RAB38: variants seen among roughly 807,000 people sequenced by gnomAD.
RAB38 encodes the protein RAB38, member RAS oncogene family.
Under a neutral mutation model 18.4 loss-of-function variants are expected in RAB38, and 15 were observed. That is an observed-to-expected ratio of 0.82 (90% CI 0.55 to 1.26). The LOEUF (loss-of-function observed/expected upper bound fraction) is 1.26. Among genes scored for constraint, RAB38 ranks in the 50% most tolerant of loss-of-function variants. The pLI, the probability that RAB38 is intolerant of heterozygous loss-of-function variation, is 0.00. For missense variants in RAB38, 294 were observed against 267.4 expected (o/e 1.10, Z -0.69); for synonymous variants, 101 against 104.4 (o/e 0.97, Z 0.20).
chr11:88,093,031 C>T, the RAB38 span, among the ~76,000 whole-genome samples: 2 of 151,806 alleles, frequency 1.3e-5, no homozygotes, highest in African/African-American at 2.4e-5. Flanking sequence ...GATGGTTGAC[C>T]ACATAATTTT....
the RAB38 span, among the ~76,000 whole-genome samples, chr11:87,819,061 G>C: frequency 1.3e-5 from 2 of 152,192 alleles, no homozygotes; most frequent in African/African-American, 4.8e-5. Flanking sequence ...GACTCTGATA[G>C]GTAGACTGTG....
the RAB38 span, among the ~76,000 whole-genome samples, chr11:88,076,707 T>A: frequency 0.13 from 19,921 of 151,342 alleles, 1,434 homozygotes; most frequent in Admixed American, 0.2. Flanking sequence ...AATCCCAGCA[T>A]TTTGGGAGGC....
the RAB38 span, among the ~76,000 whole-genome samples, chr11:87,950,019 G>A: frequency 6.6e-6 from 1 of 152,172 alleles, no homozygotes; most frequent in Admixed American, 6.5e-5. Context: ...TAATGTGTGG[G>A]AGTCTAAGTT....
intron 2 of RAB38, among the ~76,000 whole-genome samples, chr11:88,145,159 T>C (rs988140560): frequency 5.9e-5 from 9 of 151,912 alleles, no homozygotes; most frequent in African/African-American, 1.9e-4. Flanking sequence ...TTTTTTTTTT[T>C]GTGGGTAGGG....
the RAB38 span, among the ~76,000 whole-genome samples, chr11:87,868,948 C>A: frequency 6.6e-6 from 1 of 151,742 alleles, no homozygotes; most frequent in Admixed American, 6.6e-5. Flanking sequence ...CTCCCTGGCC[C>A]AAAGGTGAAA....
At chr11:88,060,835 A>G in the RAB38 span, among the ~76,000 whole-genome samples, 7 of 152,222 alleles carry the variant, frequency 4.6e-5, no homozygotes, top group African/African-American at 1.7e-4. Flanking sequence ...AAAATCTAGC[A>G]GGTTATCTAA....
At chr11:87,832,122 C>G in the RAB38 span, among the ~76,000 whole-genome samples, 1 of 152,092 alleles carries the variant, frequency 6.6e-6, no homozygotes, top group East Asian at 1.9e-4. Flanking sequence ...CTCATTTTTG[C>G]AGTAAAATAC....
the RAB38 span, among the ~76,000 whole-genome samples, chr11:87,895,687 T>C: frequency 1.3e-5 from 2 of 151,780 alleles, no homozygotes; most frequent in East Asian, 2.0e-4. Flanking sequence ...AGCTGCACTA[T>C]CTCTGCTTTG....
the RAB38 span, among the ~76,000 whole-genome samples, chr11:87,937,875 T>G: frequency 0.023 from 1,836 of 81,584 alleles, 21 homozygotes; most frequent in Non-Finnish European, 0.033. Flanking sequence ...GAAGTGTTTT[T>G]TTTTTTTTTT....
the RAB38 span, among the ~76,000 whole-genome samples, chr11:88,015,051 T>C: frequency 1.4e-5 from 1 of 71,352 alleles, no homozygotes; most frequent in Non-Finnish European, 2.8e-5. Flanking sequence ...CAGTTGCCTG[T>C]ATTTTTTTTT....
the RAB38 span, among the ~76,000 whole-genome samples, chr11:87,958,392 C>T: frequency 6.6e-6 from 1 of 152,184 alleles, no homozygotes; most frequent in Admixed American, 6.5e-5. Flanking sequence ...AAGCCTCTGT[C>T]TTGGGCTCTG....
At chr11:88,117,366 A>T (rs535636798) in intron 2 of RAB38, among the ~76,000 whole-genome samples, 1 of 152,214 alleles carries the variant, frequency 6.6e-6, no homozygotes, top group Non-Finnish European at 1.5e-5. Flanking sequence ...AGAGCCTTGA[A>T]TACTAAATTT....
At chr11:88,034,287 G>C in the RAB38 span, among the ~76,000 whole-genome samples, 1 of 152,056 alleles carries the variant, frequency 6.6e-6, no homozygotes, top group Non-Finnish European at 1.5e-5. Flanking sequence ...TTACAGTTTT[G>C]GGTTATTACA....
chr11:88,090,272 T>C, the RAB38 span, among the ~76,000 whole-genome samples: 1 of 151,998 alleles, frequency 6.6e-6, no homozygotes, highest in East Asian at 1.9e-4. Context: ...AATAAGTTTC[T>C]TTTTCTTTAG....
chr11:87,835,160 T>TA, the RAB38 span, among the ~76,000 whole-genome samples: 1 of 152,172 alleles, frequency 6.6e-6, no homozygotes, highest in Non-Finnish European at 1.5e-5. Flanking sequence ...TTGGGTGACT[T>TA]ACAGAATCCT....
intron 2 of RAB38, among the ~76,000 whole-genome samples, chr11:88,142,785 A>C (rs1306896726): frequency 6.6e-6 from 1 of 152,242 alleles, no homozygotes; most frequent in Non-Finnish European, 1.5e-5. Flanking sequence ...AAGCAGAAAG[A>C]TGAGAAAAAG....
chr11:88,021,853 C>CAAAA, the RAB38 span, among the ~76,000 whole-genome samples: 11,766 of 120,080 alleles, frequency 0.098, 880 homozygotes, highest in Non-Finnish European at 0.14. Flanking sequence ...AACTCCATCT[C>CAAAA]AAAAAAAAAA....
At chr11:87,947,306 A>G in the RAB38 span, among the ~76,000 whole-genome samples, 11 of 152,020 alleles carry the variant, frequency 7.2e-5, no homozygotes, top group African/African-American at 2.7e-4. Context: ...TCAGATGAGT[A>G]GGTTGCAAAA....
the RAB38 span, among the ~76,000 whole-genome samples, chr11:88,074,736 AT>A: frequency 2.6e-5 from 4 of 152,186 alleles, no homozygotes; most frequent in Non-Finnish European, 5.9e-5. Flanking sequence ...AATTGATTCA[AT>A]TCTCCAATTA....
Sources: allele counts gnomAD v4.1 joint callset (sites outside exome capture counted in the v4.1 genomes callset), GRCh38; gene constraint gnomAD v4.1.1; transcripts MANE v1.5; gene names NCBI Gene and HGNC (gene_info 2026-07-23, HGNC 2026-07-21).